Variants in KIF16B observed in about 807,000 individuals in gnomAD.
KIF16B encodes kinesin family member 16B, also known as kinesin-like protein KIF16B.
A neutral mutation model predicts 156.3 loss-of-function variants in KIF16B; 98 were observed. The ratio of observed to expected loss-of-function variants is 0.63; its 90% CI spans 0.53 to 0.74. The LOEUF is 0.74. Ranked by LOEUF, KIF16B falls within the 30% of genes least tolerant of loss-of-function variation. The probability of loss-of-function intolerance (pLI) is 0.00; values close to 1 mark genes in which losing one functional copy is unlikely to be tolerated. For missense variants in KIF16B, 1,421 were observed against 1,606.5 expected (o/e 0.88, Z 1.97); for synonymous variants, 564 against 583.7 (o/e 0.97, Z 0.49).
At position 16,427,190 on chromosome 20, in the gene KIF16B, C is replaced by T. The variant is rs770234547; in HGVS notation, c.1526G>A (p.Gly509Glu). The T allele has an allele frequency of 6.2e-7, 1 of 1,612,912 alleles. No homozygotes were observed. Among genetic ancestry groups the T allele is most frequent in the South Asian group, 1.1e-5 (1 of 90,930 alleles). ...CAGGGGTATCAGAGTCACTGTCCCC[C>T]CGATATTTTCAAAGATGCAATGCTC... is the stretch of plus-strand genomic sequence containing the variant. ...ESEHCIFENI[G>E]GTVTLIPLSG... is the part of the protein sequence containing the mutation. The change falls in exon 15 of 26, where the codon GGG (glycine) becomes GAG (glutamate). Residue 509 changes from glycine (G) to glutamate (E), a missense_variant. By Grantham distance (98) the Gly-to-Glu change is moderately conservative. Transcript: ENST00000354981.
At chr20:16,417,897 G>C (rs4332991) in intron 15 of KIF16B, among the ~76,000 whole-genome samples, 72,775 of 151,826 alleles carry the variant, frequency 0.48, 18,196 homozygotes, top group East Asian at 0.77. Flanking sequence ...TGAGACAATA[G>C]TAAAATATCT....
chr20:16,472,856 A>T (rs771274030), intron 12 of KIF16B, among the ~76,000 whole-genome samples: 26 of 152,170 alleles, frequency 1.7e-4, no homozygotes, highest in Non-Finnish European at 3.7e-4. Context: ...ACCTAAGAGC[A>T]TACCGTTTGT....
intron 12 of KIF16B, among the ~76,000 whole-genome samples, chr20:16,436,342 T>C (rs1370693196): frequency 1.3e-5 from 2 of 152,100 alleles, no homozygotes; most frequent in Non-Finnish European, 1.5e-5. Context: ...CAGGCTTTGT[T>C]TGAGGCCCAG....
At chr20:16,367,809 CAGG>C in intron 22 of KIF16B, 5 of 1,612,212 alleles carry the variant, frequency 3.1e-6, no homozygotes, top group Non-Finnish European at 3.4e-6. Context: ...TCAGGACACA[CAGG>C]AGGTCACGAC....
In KIF16B at chr20:16,325,406, A is replaced by T. The variant is rs546469062; in HGVS notation, c.3711+10520T>A. 3.2e-4 allele frequency among the ~76,000 whole-genome samples: 49 copies of T among 152,152 alleles called. 1 individual carries two copies. The highest frequency in any genetic ancestry group is 2.9e-3 in the Admixed American group (44 of 15,256). ...ATAATTGTATGCCTAGAAAACCCTG[A>T]AGACTCATCCAAAAAGCTCCTAGAT... is the stretch of plus-strand genomic sequence containing the variant. On this transcript the variant is annotated intron_variant, in intron 24 of 25. Transcript: ENST00000354981.
At chr20:16,279,004 T>C (rs1464303631) in intron 25 of KIF16B, among the ~76,000 whole-genome samples, 1 of 152,116 alleles carries the variant, frequency 6.6e-6, no homozygotes, top group African/African-American at 2.4e-5. Context: ...AAGGTCCTGT[T>C]TCTCTGCAAG....
intron 23 of KIF16B, among the ~76,000 whole-genome samples, chr20:16,344,488 T>G (rs2064195401): frequency 6.6e-6 from 1 of 152,174 alleles, no homozygotes; most frequent in Non-Finnish European, 1.5e-5. Context: ...GCTTATCTCC[T>G]TTCTCTTGGA....
intron 12 of KIF16B, among the ~76,000 whole-genome samples, chr20:16,478,888 A>C (rs1264744000): frequency 6.6e-6 from 1 of 152,196 alleles, no homozygotes; most frequent in Admixed American, 6.5e-5. Flanking sequence ...CTTGAAATGT[A>C]TCCCCTGTGG....
intron 12 of KIF16B, among the ~76,000 whole-genome samples, chr20:16,483,993 C>T (rs530471078): frequency 6.7e-6 from 1 of 149,300 alleles, no homozygotes; most frequent in African/African-American, 2.6e-5. Context: ...TACAAGTGTA[C>T]ATAAAGCACA....
intron 1 of KIF16B, among the ~76,000 whole-genome samples, chr20:16,541,764 G>T (rs1247571462): frequency 6.6e-6 from 1 of 152,234 alleles, no homozygotes; most frequent in Non-Finnish European, 1.5e-5. Flanking sequence ...CAGGCAGAGG[G>T]AGAAGTGGAG....
chr20:16,402,543 T>C (rs1435680340), intron 17 of KIF16B, among the ~76,000 whole-genome samples: 1 of 152,138 alleles, frequency 6.6e-6, no homozygotes, highest in Admixed American at 6.5e-5. Context: ...GGGAAGAAAG[T>C]CAGGAATAGC....
intron 25 of KIF16B, among the ~76,000 whole-genome samples, chr20:16,300,946 AG>A (rs1316752285): frequency 6.6e-6 from 1 of 152,176 alleles, no homozygotes; most frequent in Non-Finnish European, 1.5e-5. Context: ...TATCATACAG[AG>A]TAGCTTTACT....
chr20:16,472,732 C>A (rs2067698888), intron 12 of KIF16B, among the ~76,000 whole-genome samples: 1 of 152,100 alleles, frequency 6.6e-6, no homozygotes, highest in Non-Finnish European at 1.5e-5. Flanking sequence ...GTTCAGAGAA[C>A]AAACCTCTCG....
chr20:16,381,662 G>T (rs1208768721), intron 18 of KIF16B, 32 bp downstream of exon 18: 18 of 1,556,772 alleles, frequency 1.2e-5, no homozygotes, highest in Non-Finnish European at 1.6e-5. Flanking sequence ...CAGACTACAG[G>T]AGTGTTGAAA....
intron 10 of KIF16B, among the ~76,000 whole-genome samples, chr20:16,500,840 C>G (rs2068600911): frequency 1.3e-5 from 2 of 152,086 alleles, no homozygotes; most frequent in African/African-American, 4.8e-5. Context: ...ACCTCAGCTA[C>G]AAGAGTGAGT....
intron 1 of KIF16B, among the ~76,000 whole-genome samples, chr20:16,539,771 T>C (rs1222503370): frequency 1.3e-5 from 2 of 152,256 alleles, no homozygotes; most frequent in Non-Finnish European, 2.9e-5. Context: ...CATACCTATG[T>C]TAATTCAAAT....
At chr20:16,519,269 C>A (rs146233426) in intron 3 of KIF16B, among the ~76,000 whole-genome samples, 1 of 152,204 alleles carries the variant, frequency 6.6e-6, no homozygotes, top group East Asian at 1.9e-4. Context: ...CCCATCACTG[C>A]CATTCCTTCC....
intron 25 of KIF16B, among the ~76,000 whole-genome samples, chr20:16,285,314 A>G (rs1388775613): frequency 6.6e-6 from 1 of 152,190 alleles, no homozygotes; most frequent in Non-Finnish European, 1.5e-5. Context: ...TACTGACTGA[A>G]AATGCCATAC....
In KIF16B at chr20:16,379,400, G is replaced by C; in HGVS notation, c.2602C>G (p.His868Asp). The C allele has an allele frequency of 1.2e-6, 2 of 1,607,346 alleles. No individual in the cohort carries two copies. Among genetic ancestry groups the C allele is most frequent in the Non-Finnish European group, 1.7e-6 (2 of 1,177,172 alleles). The part of the protein sequence containing the change: ...QEILECLKCE[H>D]DKESRLLEKH... ...TCCAACAATCTAGATTCTTTGTCAT[G>C]TTCACATTTTAAACACTCTAGGATC... The change falls in exon 19 of 26, where the codon CAT (histidine) becomes GAT (aspartate). Residue 868 changes from histidine (H) to aspartate (D), a missense_variant. Transcript: ENST00000354981.
Sources: gnomAD v4.1 joint callset for allele counts (sites outside exome capture counted in the v4.1 genomes callset) on GRCh38, gnomAD v4.1.1 for gene constraint, MANE v1.5 for transcripts, NCBI Gene and HGNC (gene_info 2026-07-23, HGNC 2026-07-21) for gene names.